The following ATOSA variants were observed in gnomAD, a reference collection of about 807,000 sequenced individuals.
The protein encoded by ATOSA is atos homolog protein A.
the ATOSA span, chr15:52,657,535 A>G: frequency 2.0e-5 from 3 of 152,168 alleles, no homozygotes; most frequent in African/African-American, 7.2e-5. Context: ...AGTCACCATT[A>G]TTATCAGTGG....
At chr15:52,681,507 AAC>A in the ATOSA span, among the ~76,000 whole-genome samples, 2 of 152,216 alleles carry the variant, frequency 1.3e-5, no homozygotes, top group Non-Finnish European at 2.9e-5. Context: ...ATGATTATGT[AAC>A]ACATGTTCAG....
chr15:52,692,636 G>A, the ATOSA span, among the ~76,000 whole-genome samples: 1 of 152,108 alleles, frequency 6.6e-6, no homozygotes, highest in Non-Finnish European at 1.5e-5. Flanking sequence ...TTACAGGCAT[G>A]AGCCACTGCA....
chr15:52,682,223 T>G, the ATOSA span, among the ~76,000 whole-genome samples: 2 of 152,114 alleles, frequency 1.3e-5, no homozygotes, highest in Non-Finnish European at 2.9e-5. Flanking sequence ...AATGTATATA[T>G]TATATGTTGT....
the ATOSA span, chr15:52,585,060 T>C: frequency 1.4e-6 from 1 of 736,280 alleles, no homozygotes; most frequent in South Asian, 2.3e-5. Flanking sequence ...CCACTGAATA[T>C]AATTCAGTTT....
chr15:52,653,922 A>ATC, the ATOSA span, among the ~76,000 whole-genome samples: 1 of 152,220 alleles, frequency 6.6e-6, no homozygotes, highest in Non-Finnish European at 1.5e-5. Flanking sequence ...CAAGTAGAAC[A>ATC]TCTTATTTGA....
the ATOSA span, among the ~76,000 whole-genome samples, chr15:52,598,954 G>A: frequency 2.0e-5 from 3 of 152,212 alleles, no homozygotes; most frequent in East Asian, 5.8e-4. Context: ...CTCACCATAT[G>A]ATGTGCCTGC....
the ATOSA span, among the ~76,000 whole-genome samples, chr15:52,709,515 G>A: frequency 2.0e-5 from 3 of 152,100 alleles, no homozygotes; most frequent in African/African-American, 4.8e-5. Context: ...ACCTTTTAAC[G>A]TAAAATGCAT....
At chr15:52,646,072 A>G in the ATOSA span, among the ~76,000 whole-genome samples, 3 of 152,212 alleles carry the variant, frequency 2.0e-5, no homozygotes, top group Non-Finnish European at 4.4e-5. Context: ...GAAAATGGTT[A>G]CAACATAGGC....
At chr15:52,696,804 AT>A in the ATOSA span, among the ~76,000 whole-genome samples, 1 of 151,772 alleles carries the variant, frequency 6.6e-6, no homozygotes, top group Non-Finnish European at 1.5e-5. Context: ...GTATTTCAAC[AT>A]TATTGGATTC....
At chr15:52,613,571 T>C in the ATOSA span, 1 of 1,285,570 alleles carries the variant, frequency 7.8e-7, no homozygotes, top group South Asian at 1.6e-5. Context: ...TGATCAATTT[T>C]ACATTGAAAT....
At chr15:52,614,513 T>C in the ATOSA span, among the ~76,000 whole-genome samples, 91 of 152,206 alleles carry the variant, frequency 6.0e-4, 3 homozygotes, top group Admixed American at 5.8e-3. Context: ...AAACAACTCA[T>C]TATTCAGAGA....
chr15:52,703,680 C>T, the ATOSA span, among the ~76,000 whole-genome samples: 8 of 149,096 alleles, frequency 5.4e-5, no homozygotes, highest in Admixed American at 2.0e-4. Flanking sequence ...GTACACACAC[C>T]GGGGCCTGTT....
At chr15:52,600,209 T>A in the ATOSA span, 1 of 1,609,956 alleles carries the variant, frequency 6.2e-7, no homozygotes. Flanking sequence ...ATCTGGATCA[T>A]CTTCAATGTT....
chr15:52,697,300 A>C, the ATOSA span, among the ~76,000 whole-genome samples: 1 of 152,288 alleles, frequency 6.6e-6, no homozygotes, highest in East Asian at 1.9e-4. Context: ...CTGCCTTCTC[A>C]GGCCAAATGA....
the ATOSA span, among the ~76,000 whole-genome samples, chr15:52,694,935 G>GT: frequency 1.1e-5 from 1 of 89,316 alleles, no homozygotes; most frequent in Non-Finnish European, 2.4e-5. Flanking sequence ...TTTTTGTTTT[G>GT]TTTTTTTGAG....
the ATOSA span, chr15:52,611,333 C>T: frequency 6.5e-7 from 1 of 1,535,176 alleles, no homozygotes; most frequent in Non-Finnish European, 8.8e-7. Context: ...AAGCTGAGAT[C>T]CATAAACTTA....
At chr15:52,646,762 A>T in the ATOSA span, among the ~76,000 whole-genome samples, 2 of 148,980 alleles carry the variant, frequency 1.3e-5, no homozygotes, top group Non-Finnish European at 2.9e-5. Flanking sequence ...AAATTATGTT[A>T]AAAAAAGTTC....
At chr15:52,604,979 T>C in the ATOSA span, among the ~76,000 whole-genome samples, 3 of 152,316 alleles carry the variant, frequency 2.0e-5, no homozygotes, top group South Asian at 6.2e-4. Context: ...TATTATCACA[T>C]AGCTGTAAAA....
chr15:52,593,647 T>A, the ATOSA span: 2 of 1,564,728 alleles, frequency 1.3e-6, no homozygotes, highest in Non-Finnish European at 1.7e-6. Context: ...GAGTCAAATG[T>A]GTGGGGCAGA....
Sources: allele counts gnomAD v4.1 joint callset (sites outside exome capture counted in the v4.1 genomes callset), GRCh38; gene constraint gnomAD v4.1.1; transcripts MANE v1.5; gene names NCBI Gene and HGNC (gene_info 2026-07-23, HGNC 2026-07-21).